UBR3: variants seen among roughly 807,000 people sequenced by gnomAD.
UBR3 encodes E3 ubiquitin-protein ligase UBR3.
In UBR3, 85 loss-of-function variants were observed where a neutral mutation model predicts 243.2. The ratio of observed to expected loss-of-function variants is 0.35; its 90% CI spans 0.29 to 0.42. UBR3 has a LOEUF of 0.42. Among genes scored for constraint, UBR3 ranks in the 10% least tolerant of loss-of-function variants. The probability of loss-of-function intolerance (pLI) is 1.00; values close to 1 mark genes in which losing one functional copy is unlikely to be tolerated. For missense variants in UBR3, 1,686 were observed against 2,300.8 expected, an observed-to-expected ratio of 0.73 and a Z score of 5.47; for synonymous variants, 748 against 799.8, an observed-to-expected ratio of 0.94 and a Z score of 1.09.
intron 24 of UBR3, 141 bp from the exon 25 acceptor site, chr2:169,986,504 T>G: frequency 1.5e-6 from 1 of 663,604 alleles, no homozygotes; most frequent in Non-Finnish European, 2.4e-6. Flanking sequence ...TGAGTAAGGT[T>G]ATTTTTTCCA....
intron 19 of UBR3, among the ~76,000 whole-genome samples, chr2:169,934,966 G>A (rs374206515): frequency 3.9e-4 from 59 of 152,252 alleles, no homozygotes; most frequent in African/African-American, 1.2e-3. Flanking sequence ...AGGCTTAAGC[G>A]AGTGAAAGTG....
chr2:169,861,518 A>T (rs10930383), intron 1 of UBR3, among the ~76,000 whole-genome samples: 62,890 of 150,854 alleles, frequency 0.42, 14,911 homozygotes, highest in Non-Finnish European at 0.54. Flanking sequence ...GAGGCAGGAG[A>T]ATCGTTGGAA....
chr2:169,944,703 C>G (rs1424536583), intron 20 of UBR3, among the ~76,000 whole-genome samples: 1 of 151,312 alleles, frequency 6.6e-6, no homozygotes, highest in Non-Finnish European at 1.5e-5. Flanking sequence ...TTTGAAGTAC[C>G]TAATAGAGGG....
In UBR3 at chr2:169,877,606, A is replaced by G; in HGVS notation, c.957A>G (p.Pro319=). 9.0e-6 allele frequency: 14 copies of G among 1,548,154 alleles called. No homozygotes were observed. The highest frequency in any genetic ancestry group is 6.0e-5 in the South Asian group (5 of 82,858). The change falls in exon 4 of 39, where the codon CCA becomes CCG. Residue 319 remains proline, a synonymous_variant. Transcript: ENST00000272793. ...EDKLVYGVQE[P]SAGTSSLAVQ... ...AGCTTGTATATGGTGTGCAGGAGCC[A>G]TCTGCTGGTACTAGTTCTCTGGCTG...
chr2:170,047,927 T>C (rs942313351), intron 32 of UBR3, among the ~76,000 whole-genome samples: 2 of 152,182 alleles, frequency 1.3e-5, no homozygotes, highest in Non-Finnish European at 2.9e-5. Context: ...ATCACAGTGC[T>C]TGTGTTCAAG....
chr2:169,988,088 A>G (rs1000238801), intron 25 of UBR3, among the ~76,000 whole-genome samples: 10 of 152,224 alleles, frequency 6.6e-5, no homozygotes, highest in African/African-American at 2.4e-4. Flanking sequence ...AGAAATGCTT[A>G]CTGAAAGGGA....
chr2:169,903,987 A>T (rs1026080795), intron 8 of UBR3, among the ~76,000 whole-genome samples: 2 of 152,180 alleles, frequency 1.3e-5, no homozygotes, highest in South Asian at 4.1e-4. Context: ...GTTCTCGCTC[A>T]TCTTTTTTAT....
intron 31 of UBR3, among the ~76,000 whole-genome samples, chr2:170,040,351 C>T (rs1210431880): frequency 6.6e-6 from 1 of 152,068 alleles, no homozygotes; most frequent in East Asian, 1.9e-4. Flanking sequence ...AGTGATCCGC[C>T]TGCCTCAGCC....
chr2:170,034,635 T>A (rs1559205500), intron 31 of UBR3, among the ~76,000 whole-genome samples: 1 of 152,054 alleles, frequency 6.6e-6, no homozygotes, highest in East Asian at 1.9e-4. Flanking sequence ...GCTCTAAACA[T>A]CTGTGTGCAG....
intron 35 of UBR3, 113 bp downstream of exon 35, chr2:170,061,556 C>G: frequency 7.5e-7 from 1 of 1,328,868 alleles, no homozygotes; most frequent in South Asian, 1.4e-5. Context: ...CAACCTCCGC[C>G]TGCCAGGTTC....
At position 170,081,223 on chromosome 2, in the gene UBR3, G is replaced by T. The variant is rs371464433; in HGVS notation, c.5550-503G>T. On this transcript the variant is annotated intron_variant, in intron 38 of 38. Transcript: ENST00000272793. ...TCTAGTAAAAAAAGAAATGTGGTAG[G>T]TGTGGTGGCTCACGCCTGTAATCCC... Among the ~76,000 whole-genome samples, 35 of 152,132 alleles carry T rather than the reference G, an allele frequency of 2.3e-4. No homozygotes were observed. The South Asian group carries it at 7.3e-3, about 32-fold the overall frequency.
At chr2:169,944,666 A>T (rs557049021) in intron 20 of UBR3, among the ~76,000 whole-genome samples, 1 of 151,920 alleles carries the variant, frequency 6.6e-6, no homozygotes, top group Non-Finnish European at 1.5e-5. Flanking sequence ...AACTCCCTGG[A>T]AACATCATTT....
intron 24 of UBR3, among the ~76,000 whole-genome samples, chr2:169,959,538 A>G (rs2087468953): frequency 1.3e-5 from 2 of 152,020 alleles, no homozygotes; most frequent in Admixed American, 1.3e-4. Context: ...CTGGAGAGCT[A>G]TGAAGTTCAA....
chr2:170,065,674 A>G (rs2091549250), intron 35 of UBR3, among the ~76,000 whole-genome samples: 1 of 152,060 alleles, frequency 6.6e-6, no homozygotes, highest in Non-Finnish European at 1.5e-5. Context: ...TATTTAAATG[A>G]TATCTTCTGT....
At position 170,007,085 on chromosome 2, in the gene UBR3, T is replaced by C; in HGVS notation, c.4125T>C (p.Pro1375=). Residue 1375 remains proline, a synonymous_variant, in exon 28 of 39, where the codon CCT becomes CCC. Transcript: ENST00000272793. ...CTAACAGTGTTCTTCCATGTTATCC[T>C]GGAAGCAATGTGGAAAATAACCCTT... ...QFANSVLPCY[P]GSNVENNPWQ... is the part of the protein sequence containing the mutation. The C allele has an allele frequency of 6.2e-7, 1 of 1,613,872 alleles. No individual in the cohort carries two copies. The highest frequency in any genetic ancestry group is 1.1e-5 in the South Asian group (1 of 91,030).
Position 169,827,475 on chromosome 2 carries a change from G to A in UBR3, c.-33G>A. 4 of 1,222,136 alleles carry A rather than the reference G, an allele frequency of 3.3e-6. No individual in the cohort carries two copies. Among genetic ancestry groups the A allele is most frequent in the African/African-American group, 1.6e-5 (1 of 64,004 alleles). The allele number at this position is 1,222,136 out of a possible 1,614,324, so 75.7% of individuals were successfully genotyped here. A position where few individuals can be genotyped will look rare whatever the true frequency, so the allele number is the denominator to read the frequency against. ...CCTCACTCTCCCTGGAGGAGCCGCT[G>A]GCCCTGGACTCTCCAAATTCTGAGC... On this transcript the variant is annotated 5_prime_UTR_variant, in exon 1 of 39. Transcript: ENST00000272793.
At chr2:169,836,021 CTCTCTCTCTCTCTCTCTCTCTCTATA>C (rs1366173852) in intron 1 of UBR3, among the ~76,000 whole-genome samples, 9 of 28,602 alleles carry the variant, frequency 3.1e-4, no homozygotes, top group Non-Finnish European at 5.9e-4. Flanking sequence ...CTCTCTCTCT[CTCTCTCTCTCTCTCTCTCTCTCTATA>C]TATATATATA....
chr2:170,052,955 C>T (rs1412373949), intron 32 of UBR3, among the ~76,000 whole-genome samples: 2 of 152,266 alleles, frequency 1.3e-5, no homozygotes, highest in Middle Eastern at 3.4e-3. Flanking sequence ...CATTGTCTAC[C>T]TTCAATAATA....
At chr2:169,975,773 T>C (rs2088406644) in intron 24 of UBR3, among the ~76,000 whole-genome samples, 1 of 152,098 alleles carries the variant, frequency 6.6e-6, no homozygotes, top group South Asian at 2.1e-4. Context: ...TGATTGTATC[T>C]GGGCAAGAGA....
Sources: allele counts gnomAD v4.1 joint callset (sites outside exome capture counted in the v4.1 genomes callset), GRCh38; gene constraint gnomAD v4.1.1; transcripts MANE v1.5; gene names NCBI Gene and HGNC (gene_info 2026-07-23, HGNC 2026-07-21).